STX12: variants seen among roughly 807,000 people sequenced by gnomAD.
The protein encoded by STX12 is syntaxin 12.
Under a neutral mutation model 42.2 loss-of-function variants are expected in STX12, and 17 were observed. The observed-to-expected ratio is 0.40, with a 90% CI of 0.28 to 0.60. The LOEUF is 0.60. STX12 is among the 20% of genes least tolerant of loss of function. STX12 has a pLI of 0.39. For missense variants in STX12, 297 were observed against 330.9 expected, an observed-to-expected ratio of 0.90 and a Z score of 0.79; for synonymous variants, 108 against 116.7, an observed-to-expected ratio of 0.93 and a Z score of 0.48.
chr1:27,817,978 A>G lies in STX12; in HGVS notation c.649+55A>G, dbSNP rs1333854429. 4 of 1,479,646 alleles carry G rather than the reference A, an allele frequency of 2.7e-6. No individual in the cohort carries two copies. In the East Asian group the frequency reaches 9.1e-5, roughly 34 times the overall value. The allele number at this position is 1,479,646 out of a possible 1,614,324, so 91.7% of individuals were successfully genotyped here. A position where few individuals can be genotyped will look rare whatever the true frequency, so the allele number is the denominator to read the frequency against. ...GGTGAGTTGATAGTATTTGGCATGC[A>G]TCTGTAATCCCAGCTACTCAGAAGG... On this transcript the variant is annotated intron_variant, in intron 7 of 8. Coordinates refer to ENST00000373943, the MANE Select transcript of STX12 (RefSeq NM_177424.3).
chr1:27,818,026 G>C, intron 7 of STX12, 103 bp downstream of exon 7: 5 of 921,006 alleles, frequency 5.4e-6, no homozygotes, highest in Non-Finnish European at 8.5e-6. Context: ...CACCATCTAG[G>C]AGTTTGAAGC....
chr1:27,813,905 A>G (rs12567877), intron 6 of STX12, among the ~76,000 whole-genome samples: 7,577 of 151,912 alleles, frequency 0.05, 406 homozygotes, highest in East Asian at 0.25. Flanking sequence ...TTATCTATTT[A>G]TTATTTATTT....
At chr1:27,797,293 G>C (rs1039743318) in intron 3 of STX12, among the ~76,000 whole-genome samples, 1 of 152,240 alleles carries the variant, frequency 6.6e-6, no homozygotes, top group African/African-American at 2.4e-5. Flanking sequence ...CTGACCTCAA[G>C]TGATCCGCCT....
intron 4 of STX12, 90 bp from the exon 5 acceptor site, chr1:27,810,156 C>A: frequency 8.3e-7 from 1 of 1,199,188 alleles, no homozygotes. Flanking sequence ...AAGGATGTTG[C>A]TTCTTTATAC....
At chr1:27,780,412 T>C (rs2088660662) in intron 1 of STX12, among the ~76,000 whole-genome samples, 2 of 151,916 alleles carry the variant, frequency 1.3e-5, no homozygotes, top group Non-Finnish European at 2.9e-5. Flanking sequence ...TTCACCATGT[T>C]GGCCAGGCTG....
intron 3 of STX12, among the ~76,000 whole-genome samples, chr1:27,798,668 C>T (rs1249008550): frequency 7.2e-6 from 1 of 139,660 alleles, no homozygotes; most frequent in Non-Finnish European, 1.5e-5. Context: ...AAAAAAATCG[C>T]GCCACTGCAC....
At chr1:27,798,810 C>T (rs992466919) in intron 3 of STX12, among the ~76,000 whole-genome samples, 2 of 146,770 alleles carry the variant, frequency 1.4e-5, no homozygotes, top group Non-Finnish European at 3.0e-5. Flanking sequence ...AAAAATTAGC[C>T]AGGCATCGTG....
chr1:27,773,387 A>G lies in STX12; in HGVS notation c.80A>G (p.Gln27Arg). The G allele has an allele frequency of 1.2e-6, 2 of 1,613,706 alleles. No individual in the cohort carries two copies. The highest frequency in any genetic ancestry group is 1.7e-6 in the Non-Finnish European group (2 of 1,179,742). ...CTCCGGGACTTCAGCAGCATCATCC[A>G]GACGTGCAGCGGCAACATCCAGCGG... ...PQLRDFSSII[Q>R]TCSGNIQRIS... The change falls in exon 1 of 9, where the codon CAG becomes CGG. Residue 27 changes from glutamine to arginine, a missense_variant. Coordinates refer to ENST00000373943, the MANE Select transcript of STX12 (RefSeq NM_177424.3).
At chr1:27,806,329 T>G (rs578154364) in intron 4 of STX12, among the ~76,000 whole-genome samples, 17 of 152,340 alleles carry the variant, frequency 1.1e-4, no homozygotes, top group Admixed American at 1.0e-3. Flanking sequence ...TATGAAAGTT[T>G]TAAAGCTTTT....
At position 27,779,942 on chromosome 1, in the gene STX12, C is replaced by T. The variant is rs542003079; in HGVS notation, c.118+6517C>T. On this transcript the variant is annotated intron_variant, in intron 1 of 8. Coordinates refer to ENST00000373943, the MANE Select transcript of STX12 (RefSeq NM_177424.3). Reference sequence around the variant, plus strand: ...GAGTAGCTGGGATTACAGGCGTGTACCACCACGCCCGGCTAATTTTGTATT... The same window carrying T: ...GAGTAGCTGGGATTACAGGCGTGTATCACCACGCCCGGCTAATTTTGTATT... Among the ~76,000 whole-genome samples, 174 of 151,822 alleles carry T rather than the reference C, an allele frequency of 1.1e-3. 7 individuals carry two copies. The South Asian group carries it at 0.035, about 30-fold the overall frequency.
chr1:27,818,519 G>C (rs749322450), intron 7 of STX12, among the ~76,000 whole-genome samples: 21 of 152,106 alleles, frequency 1.4e-4, no homozygotes, highest in Admixed American at 3.9e-4. Flanking sequence ...GTTAAATGAG[G>C]CCTCATGAAT....
chr1:27,807,258 G>A (rs2088868200), intron 4 of STX12, among the ~76,000 whole-genome samples: 1 of 151,642 alleles, frequency 6.6e-6, no homozygotes, highest in African/African-American at 2.4e-5. Flanking sequence ...AATTATTATT[G>A]ACGATAGTCA....
At chr1:27,821,706 G>A (rs902965139) in intron 8 of STX12, among the ~76,000 whole-genome samples, 3 of 152,114 alleles carry the variant, frequency 2.0e-5, no homozygotes, top group African/African-American at 7.2e-5. Flanking sequence ...TGGGGACTTG[G>A]AATTAAAACT....
intron 3 of STX12, among the ~76,000 whole-genome samples, chr1:27,794,325 G>T (rs2088770330): frequency 6.6e-6 from 1 of 152,062 alleles, no homozygotes; most frequent in African/African-American, 2.4e-5. Flanking sequence ...CATGCCCAGG[G>T]TTCCTAGTTT....
chr1:27,780,128 A>G (rs2088657924), intron 1 of STX12, among the ~76,000 whole-genome samples: 1 of 147,720 alleles, frequency 6.8e-6, no homozygotes, highest in Non-Finnish European at 1.5e-5. Flanking sequence ...TTCTCTCCCT[A>G]CCTCATTGGC....
chr1:27,783,249 CTT>C (rs1400055068), intron 1 of STX12, among the ~76,000 whole-genome samples: 9 of 152,160 alleles, frequency 5.9e-5, no homozygotes, highest in Non-Finnish European at 1.0e-4. Flanking sequence ...GCTTCATACT[CTT>C]TTAAAAGTTT....
chr1:27,786,720 GAAT>G lies in STX12; in HGVS notation c.119-2834_119-2832del, dbSNP rs2088701747. Reference sequence around the variant, plus strand: ...CTCATTGTGCTCATATGCAACAATGGAATAATAATACTTACTTAAAGGATTGTT... The same window carrying G: ...CTCATTGTGCTCATATGCAACAATGGAATAATACTTACTTAAAGGATTGTT... On this transcript the variant is annotated intron_variant, in intron 1 of 8. Transcript: ENST00000373943. Among the ~76,000 whole-genome samples the G allele has an allele frequency of 2.6e-5, 4 of 152,310 alleles. No homozygotes were observed. In the East Asian group the frequency reaches 7.7e-4, roughly 29 times the overall value.
chr1:27,809,515 C>T (rs2088888773), intron 4 of STX12, among the ~76,000 whole-genome samples: 1 of 138,916 alleles, frequency 7.2e-6, no homozygotes, highest in African/African-American at 2.8e-5. Context: ...GGCTGGAGTG[C>T]AGTGGCGCAA....
intron 1 of STX12, among the ~76,000 whole-genome samples, chr1:27,782,177 A>G (rs370717366): frequency 3.3e-5 from 5 of 152,130 alleles, no homozygotes; most frequent in African/African-American, 4.8e-5. Flanking sequence ...GTACCGTCAT[A>G]GGTCACTGCA....
Sources: gnomAD v4.1 joint callset for allele counts (sites outside exome capture counted in the v4.1 genomes callset) on GRCh38, gnomAD v4.1.1 for gene constraint, MANE v1.5 for transcripts, NCBI Gene and HGNC (gene_info 2026-07-23, HGNC 2026-07-21) for gene names.